The following TNNI3K variants were observed in gnomAD, a reference collection of about 807,000 sequenced individuals.
TNNI3K encodes the protein TNNI3 interacting kinase.
In TNNI3K, 140 loss-of-function variants were observed where a neutral mutation model predicts 114.5. That is an observed-to-expected ratio of 1.22 (90% CI 1.07 to 1.41). TNNI3K has a LOEUF of 1.41. Among genes scored for constraint, TNNI3K ranks in the 40% most tolerant of loss-of-function variants. TNNI3K has a pLI of 0.00. For synonymous variants in TNNI3K, 347 were observed against 347.5 expected (o/e 1.00, Z 0.02); for missense variants, 1,125 against 1,007.6 (o/e 1.12, Z -1.58).
chr1:74,306,909 G>T (rs1658676327), intron 5 of TNNI3K, among the ~76,000 whole-genome samples: 1 of 152,052 alleles, frequency 6.6e-6, no homozygotes, highest in Non-Finnish European at 1.5e-5. Context: ...ATTTGCCTTT[G>T]AGGTCTTAAT....
chr1:74,292,813 C>T (rs1379751763), intron 5 of TNNI3K, among the ~76,000 whole-genome samples: 1 of 151,066 alleles, frequency 6.6e-6, no homozygotes, highest in African/African-American at 2.4e-5. Context: ...GTAGATCTTG[C>T]TGTTTATTGT....
At chr1:74,476,655 C>T (rs1444738726) in intron 21 of TNNI3K, among the ~76,000 whole-genome samples, 1 of 152,014 alleles carries the variant, frequency 6.6e-6, no homozygotes, top group African/African-American at 2.4e-5. Flanking sequence ...TATAAATTCT[C>T]AAGATGTGAT....
At chr1:74,432,820 T>G (rs2100656679) in intron 17 of TNNI3K, among the ~76,000 whole-genome samples, 1 of 152,132 alleles carries the variant, frequency 6.6e-6, no homozygotes, top group East Asian at 1.9e-4. Context: ...GCATCGTCCT[T>G]TGGGTATGGT....
At chr1:74,360,140 ACTT>A (rs1392206585) in intron 11 of TNNI3K, among the ~76,000 whole-genome samples, 3 of 151,486 alleles carry the variant, frequency 2.0e-5, no homozygotes, top group Non-Finnish European at 4.4e-5. Context: ...TCCTCATAAT[ACTT>A]CTTCTAATCC....
chr1:74,416,884 G>A (rs1330068446), intron 17 of TNNI3K, among the ~76,000 whole-genome samples: 2 of 151,918 alleles, frequency 1.3e-5, no homozygotes, highest in African/African-American at 4.8e-5. Context: ...CATGGTGTGT[G>A]TATATTTTTA....
chr1:74,359,074 TAGG>T lies in TNNI3K; in HGVS notation c.1177+4949_1177+4951del, dbSNP rs201762601. ...TGTTGAGTAGAGAGGCAGTACCAAA[TAGG>T]AGGTCTGTCTTGTTGTAGAATTCAA... On this transcript the variant is annotated intron_variant, in intron 11 of 24. Coordinates refer to ENST00000326637, the MANE Select transcript of TNNI3K (RefSeq NM_015978.3). Among the ~76,000 whole-genome samples the T allele has an allele frequency of 5.5e-3, 842 of 152,074 alleles. 11 individuals are homozygous for T. Among genetic ancestry groups the T allele is most frequent in the African/African-American group, 0.019 (803 of 41,524 alleles).
At chr1:74,486,492 G>GT (rs1370637601) in intron 21 of TNNI3K, among the ~76,000 whole-genome samples, 2 of 117,748 alleles carry the variant, frequency 1.7e-5, no homozygotes, top group Non-Finnish European at 3.2e-5. Flanking sequence ...TTTTGTGTGT[G>GT]TTTTTTGTTT....
rs543812044 is a variant in TNNI3K at position 74,271,298 on chromosome 1, C to T, written c.334-300C>T. Among the ~76,000 whole-genome samples the T allele has an allele frequency of 6.4e-4, 98 of 151,964 alleles. 2 individuals are homozygous for T. In the South Asian group the frequency reaches 0.016, roughly 24 times the overall value. ...TGGAAAAGCATATTCATTGGAGTAA[C>T]CTACCTGTAAAACTGAGTTTGTGGT... On this transcript the variant is annotated intron_variant, in intron 4 of 24. Transcript: ENST00000326637.
chr1:74,341,013 G>A (rs1660722022), intron 7 of TNNI3K, among the ~76,000 whole-genome samples: 1 of 152,154 alleles, frequency 6.6e-6, no homozygotes, highest in Non-Finnish European at 1.5e-5. Flanking sequence ...AAATCTTGCA[G>A]AACAATAAAA....
At chr1:74,511,045 G>A (rs184445808) in intron 23 of TNNI3K, among the ~76,000 whole-genome samples, 18 of 151,660 alleles carry the variant, frequency 1.2e-4, no homozygotes, top group Non-Finnish European at 1.8e-4. Context: ...CTGCCACCAT[G>A]CCCAGCTAAT....
At chr1:74,486,265 T>G (rs1377202320) in intron 21 of TNNI3K, among the ~76,000 whole-genome samples, 1 of 149,114 alleles carries the variant, frequency 6.7e-6, no homozygotes, top group Non-Finnish European at 1.5e-5. Context: ...TTCTTCTAAG[T>G]GACTCACTCC....
chr1:74,436,861 T>TCA, intron 19 of TNNI3K, among the ~76,000 whole-genome samples: 1 of 152,222 alleles, frequency 6.6e-6, no homozygotes, highest in East Asian at 1.9e-4. Context: ...AATAGGGAAC[T>TCA]CACAATAAAA....
intron 21 of TNNI3K, chr1:74,471,837 T>A: frequency 2.2e-6 from 1 of 449,060 alleles, no homozygotes; most frequent in Non-Finnish European, 3.9e-6. Flanking sequence ...GCTTTGAGTG[T>A]TGTCTACGAT....
At chr1:74,343,282 A>C in intron 9 of TNNI3K, 103 bp downstream of exon 9, 2 of 1,249,970 alleles carry the variant, frequency 1.6e-6, no homozygotes, top group Non-Finnish European at 2.2e-6. Context: ...AGATGTTGCA[A>C]TCAGAGAGCA....
chr1:74,347,334 C>T (rs2100456725), intron 9 of TNNI3K, among the ~76,000 whole-genome samples: 1 of 152,054 alleles, frequency 6.6e-6, no homozygotes, highest in African/African-American at 2.4e-5. Flanking sequence ...ATGAACTCAT[C>T]ATTTTTTATG....
chr1:74,480,432 G>A, intron 21 of TNNI3K: 1 of 717,558 alleles, frequency 1.4e-6, no homozygotes, highest in Non-Finnish European at 2.6e-6. Context: ...TCTAAGCTCA[G>A]AAGGATTAAC....
intron 21 of TNNI3K, chr1:74,475,620 C>G (rs1293196607): frequency 7.0e-6 from 5 of 717,222 alleles, no homozygotes; most frequent in Admixed American, 2.0e-5. Flanking sequence ...TGGACATGAC[C>G]TTTATCTCGT....
intron 23 of TNNI3K, among the ~76,000 whole-genome samples, chr1:74,497,948 A>G (rs1669417369): frequency 6.6e-6 from 1 of 152,002 alleles, no homozygotes; most frequent in South Asian, 2.1e-4. Context: ...CTCTCTTCTC[A>G]GATGCATCCT....
intron 5 of TNNI3K, among the ~76,000 whole-genome samples, chr1:74,320,848 A>G (rs1659569872): frequency 2.6e-5 from 4 of 152,070 alleles, no homozygotes; most frequent in African/African-American, 9.7e-5. Flanking sequence ...GGCAGAAGAT[A>G]TTTTTTCTGA....
Sources: allele counts gnomAD v4.1 joint callset (sites outside exome capture counted in the v4.1 genomes callset), GRCh38; gene constraint gnomAD v4.1.1; transcripts MANE v1.5; gene names NCBI Gene and HGNC (gene_info 2026-07-23, HGNC 2026-07-21).